The following TEPSIN variants were observed in gnomAD, a reference collection of about 807,000 sequenced individuals.
TEPSIN encodes TEPSIN adaptor related protein complex 4 accessory protein, also known as AP-4 complex accessory subunit tepsin.
In TEPSIN, 50 loss-of-function variants were observed where a neutral mutation model predicts 48.5. That is an observed-to-expected ratio of 1.03 (90% CI 0.82 to 1.31). The LOEUF (loss-of-function observed/expected upper bound fraction) is 1.31, where lower values mean the gene tolerates loss of function less well. Ranked by LOEUF, TEPSIN falls within the 50% of genes most tolerant of loss-of-function variation. The pLI, the probability that TEPSIN is intolerant of heterozygous loss-of-function variation, is 0.00. For missense variants in TEPSIN, 838 were observed against 815.9 expected (o/e 1.03, Z -0.33); for synonymous variants, 392 against 358.8 (o/e 1.09, Z -1.05).
Position 81,229,403 on chromosome 17 carries a change from G to A in TEPSIN, c.1307C>T (p.Thr436Ile). 6.4e-7 allele frequency: 1 copy of A among 1,551,012 alleles called. No individual in the cohort carries two copies. Among genetic ancestry groups the A allele is most frequent in the Non-Finnish European group, 8.7e-7 (1 of 1,147,606 alleles). Residue 436 changes from threonine (T) to isoleucine (I), a missense_variant, in exon 13 of 13, where the codon ACA (threonine) becomes ATA (isoleucine). Coordinates refer to ENST00000637944, the MANE Select transcript of TEPSIN (RefSeq NM_001363764.2). Reference sequence around the variant, plus strand: ...GTCAGATGGGCCTGGGAGGGCGGCTGTGGGGCCAGGCTCAGCTGAGGTGCC... The same window carrying A: ...GTCAGATGGGCCTGGGAGGGCGGCTATGGGGCCAGGCTCAGCTGAGGTGCC... ...ARGTSAEPGP[T>I]AALPGPSDLL...
chr17:81,237,900 C>T (rs577530500), intron 1 of TEPSIN: 2 of 882,186 alleles, frequency 2.3e-6, no homozygotes, highest in East Asian at 1.1e-4. Context: ...GAGTGACAGC[C>T]GCTCAGCGTG....
Position 81,237,466 on chromosome 17 carries a change from G to C in TEPSIN, c.49-7C>G. 1 of 1,606,088 alleles carries C rather than the reference G, an allele frequency of 6.2e-7. No homozygotes were observed. Among genetic ancestry groups the C allele is most frequent in the Non-Finnish European group, 8.5e-7 (1 of 1,176,776 alleles). On this transcript the variant is annotated splice_polypyrimidine_tract_variant and splice_region_variant and intron_variant, in intron 1 of 12. Transcript: ENST00000637944. Reference sequence around the variant, plus strand: ...CCTTCAGGAGAATCGGGAGCTGAAAGGGAACAAGAGCCCCTACCATGATGA... The same window carrying C: ...CCTTCAGGAGAATCGGGAGCTGAAACGGAACAAGAGCCCCTACCATGATGA...
chr17:81,233,324 G>T lies in TEPSIN; in HGVS notation c.526+108C>A. 7.6e-7 allele frequency: 1 copy of T among 1,314,098 alleles called. No homozygotes were observed. The highest frequency in any genetic ancestry group is 1.5e-5 in the African/African-American group (1 of 68,282). The allele number at this position is 1,314,098 out of a possible 1,614,324, so 81.4% of individuals were successfully genotyped here. ...GAAGGGTTGAGGCCATGTAGGGGAG[G>T]GGACGGGGGACAGCAGCTACTAGAT... is the stretch of plus-strand genomic sequence containing the variant. On this transcript the variant is annotated intron_variant, in intron 7 of 12. Coordinates refer to ENST00000637944, the MANE Select transcript of TEPSIN (RefSeq NM_001363764.2). The surrounding 1 kb of genome is among the most constrained non-coding windows in gnomAD (Gnocchi z 5.8).
At position 81,233,057 on chromosome 17, in the gene TEPSIN, C is replaced by T. The variant is rs1238506959; in HGVS notation, c.526+375G>A. 4 of 303,426 alleles carry T rather than the reference C, an allele frequency of 1.3e-5. No individual in the cohort carries two copies. The South Asian group carries it at 1.6e-4, about 12-fold the overall frequency. The allele number at this position is 303,426 out of a possible 1,614,324, so 18.8% of individuals were successfully genotyped here. ...CTGTGGCTCTCCTGGCGCTGGTGAG[C>T]AGTTGTCCACTGGTACTGCCCCACC... On this transcript the variant is annotated intron_variant, in intron 7 of 12. Coordinates refer to ENST00000637944, the MANE Select transcript of TEPSIN (RefSeq NM_001363764.2). The surrounding 1 kb of genome is among the most constrained non-coding windows in gnomAD (Gnocchi z 5.8).
At chr17:81,238,370 G>A (rs570482968) in intron 1 of TEPSIN, 2 of 282,994 alleles carry the variant, frequency 7.1e-6, no homozygotes, top group East Asian at 1.8e-4. Context: ...GCAGCCCAAG[G>A]TCGCGCCCTG....
chr17:81,231,099 A>G (rs1037041629), intron 11 of TEPSIN: 2 of 536,998 alleles, frequency 3.7e-6, no homozygotes, highest in Non-Finnish European at 6.6e-6. Flanking sequence ...ACAGGCACAT[A>G]CATACACAAC....
chr17:81,229,028 C>A lies in TEPSIN; in HGVS notation c.1682G>T (p.Cys561Phe), dbSNP rs1261717322. Residue 561 changes from cysteine to phenylalanine, a missense_variant, in exon 13 of 13, where the codon TGT becomes TTT. Cys to Phe is a radical substitution (Grantham distance 205, BLOSUM62 -2). Transcript: ENST00000637944. ...TTGGGGGGCGCGGGGAGCATCAGGACAGGACTCTCCCGCAGCAGCCCCAGC... is the reference window on the plus strand; with the variant it reads ...TTGGGGGGCGCGGGGAGCATCAGGAAAGGACTCTCCCGCAGCAGCCCCAGC... ...VGAGAAAGESCPDAPRAPQTS... is the reference protein window; with the variant it reads ...VGAGAAAGESFPDAPRAPQTS... 1 of 1,613,408 alleles carries A rather than the reference C, an allele frequency of 6.2e-7. No homozygotes were observed. The highest frequency in any genetic ancestry group is 2.2e-5 in the East Asian group (1 of 44,876).
At chr17:81,229,516 C>A in intron 12 of TEPSIN, 40 bp from the exon 13 acceptor site, 1 of 1,545,714 alleles carries the variant, frequency 6.5e-7, no homozygotes, top group East Asian at 2.4e-5. Context: ...TCCTATGCAA[C>A]CCTGGGAAAT....
Position 81,238,368 on chromosome 17 carries a change from A to C in TEPSIN, c.48+618T>G, listed in dbSNP as rs2062764185. 1.1e-5 allele frequency: 3 copies of C among 285,230 alleles called. No individual in the cohort carries two copies. The South Asian group carries it at 4.1e-4, about 39-fold the overall frequency. The allele number at this position is 285,230 out of a possible 1,614,324, so 17.7% of individuals were successfully genotyped here. Reference sequence around the variant, plus strand: ...CCCTAGCGTGGCTTCTGGCAGCCCAAGGTCGCGCCCTGGGACCACCCAGCC... The same window carrying C: ...CCCTAGCGTGGCTTCTGGCAGCCCACGGTCGCGCCCTGGGACCACCCAGCC... On this transcript the variant is annotated intron_variant, in intron 1 of 12. Transcript: ENST00000637944.
chr17:81,229,860 GA>G, intron 12 of TEPSIN: 1 of 274,088 alleles, frequency 3.6e-6, no homozygotes, highest in Non-Finnish European at 7.0e-6. Flanking sequence ...GCCCGTTTTA[GA>G]AACCCCACTA....
At chr17:81,236,940 C>T in intron 3 of TEPSIN, 40 bp downstream of exon 3, 3 of 1,542,022 alleles carry the variant, frequency 1.9e-6, no homozygotes, top group Non-Finnish European at 8.8e-7. Flanking sequence ...CCACCGTGGG[C>T]CGGGCCTCAG....
rs2062657659 is a variant in TEPSIN at position 81,233,372 on chromosome 17, A to G, written c.526+60T>C. 1 of 1,581,382 alleles carries G rather than the reference A, an allele frequency of 6.3e-7. No individual in the cohort carries two copies. The highest frequency in any genetic ancestry group is 8.6e-7 in the Non-Finnish European group (1 of 1,165,100). ...GATGGGGCGGCATGGTCCGGCCCCC[A>G]CCACCTCCTCATCCCCACACCCTGA... On this transcript the variant is annotated intron_variant, in intron 7 of 12. Coordinates refer to ENST00000637944, the MANE Select transcript of TEPSIN (RefSeq NM_001363764.2). This position sits in a 1 kb window ranked among gnomAD's most constrained non-coding sequence, Gnocchi z 5.8.
At chr17:81,237,331 C>T in intron 2 of TEPSIN, 56 bp downstream of exon 2, 1 of 1,575,088 alleles carries the variant, frequency 6.3e-7, no homozygotes, top group Non-Finnish European at 8.6e-7. Flanking sequence ...CTTTGCACCA[C>T]TCTGGGACCC....
At chr17:81,238,861 G>A in intron 1 of TEPSIN, 125 bp downstream of exon 1, 1 of 1,352,520 alleles carries the variant, frequency 7.4e-7, no homozygotes, top group Middle Eastern at 2.7e-4. Context: ...GCGGGCGAAG[G>A]GGCCAGGAGC....
At chr17:81,235,616 G>A (rs543476688) in intron 4 of TEPSIN, among the ~76,000 whole-genome samples, 29 of 152,030 alleles carry the variant, frequency 1.9e-4, no homozygotes, top group Non-Finnish European at 3.1e-4. Context: ...ACCCCAGGGC[G>A]TGTCCCCGAG....
chr17:81,233,741 A>G lies in TEPSIN; in HGVS notation c.376-25T>C, dbSNP rs781239913. 13 of 1,574,192 alleles carry G rather than the reference A, an allele frequency of 8.3e-6. No individual in the cohort carries two copies. Among genetic ancestry groups the G allele is most frequent in the Non-Finnish European group, 1.1e-5 (13 of 1,161,774 alleles). On this transcript the variant is annotated intron_variant, in intron 5 of 12. Transcript: ENST00000637944. The surrounding 1 kb of genome is among the most constrained non-coding windows in gnomAD (Gnocchi z 5.8). Reference sequence around the variant, plus strand: ...CCTACAGGGGGAGGCGAAGGCCCTCAGTGTCCTCACACCAGGGCCTGCTGT... The same window carrying G: ...CCTACAGGGGGAGGCGAAGGCCCTCGGTGTCCTCACACCAGGGCCTGCTGT...
Position 81,237,412 on chromosome 17 carries a change from CGGACACG to C in TEPSIN, c.89_95del (p.Pro30ArgfsTer27). ...TAGCAATCTCTTCAAACAGGTAGCC[CGGACACG>C]GGACATCATCATCGGACGTCCCCTT... On this transcript the variant is annotated frameshift_variant, in exon 2 of 13. Coordinates refer to ENST00000637944, the MANE Select transcript of TEPSIN (RefSeq NM_001363764.2). LOFTEE classifies it high-confidence loss of function. 1 of 1,611,978 alleles carries C rather than the reference CGGACACG, an allele frequency of 6.2e-7. No individual in the cohort carries two copies. The highest frequency in any genetic ancestry group is 8.5e-7 in the Non-Finnish European group (1 of 1,179,458).
rs1240827279 is a variant in TEPSIN at position 81,233,637 on chromosome 17, C to T, written c.454+1G>A. Reference sequence around the variant, plus strand: ...TGGACACGGTCCCCTCAGTCACCTACCTGTGGCAGGCGGGGTCCCCAGAGG... The same window carrying T: ...TGGACACGGTCCCCTCAGTCACCTATCTGTGGCAGGCGGGGTCCCCAGAGG... On this transcript the variant is annotated splice_donor_variant, in intron 6 of 12. Coordinates refer to ENST00000637944, the MANE Select transcript of TEPSIN (RefSeq NM_001363764.2). LOFTEE classifies it high-confidence loss of function. The surrounding 1 kb of genome is among the most constrained non-coding windows in gnomAD (Gnocchi z 5.8). The T allele has an allele frequency of 6.3e-7, 1 of 1,598,444 alleles. No individual in the cohort carries two copies.
At chr17:81,238,654 G>A in intron 1 of TEPSIN, 1 of 1,167,564 alleles carries the variant, frequency 8.6e-7, no homozygotes, top group Non-Finnish European at 1.1e-6. Context: ...CAGCAGCACG[G>A]ACACAGCGGC....
Sources: gnomAD v4.1 joint callset for allele counts (sites outside exome capture counted in the v4.1 genomes callset) on GRCh38, gnomAD v4.1.1 for gene constraint, Gnocchi (gnomAD v3.1) non-coding constraint, MANE v1.5 for transcripts, NCBI Gene and HGNC (gene_info 2026-07-23, HGNC 2026-07-21) for gene names.